The following ZCCHC7 variants were observed in gnomAD, a reference collection of about 807,000 sequenced individuals.
The protein encoded by ZCCHC7 is zinc finger CCHC domain-containing protein 7.
In ZCCHC7, 35 loss-of-function variants were observed where a neutral mutation model predicts 52.0. That is an observed-to-expected ratio of 0.67 (90% confidence interval 0.51 to 0.89). The LOEUF (loss-of-function observed/expected upper bound fraction) is 0.89, where lower values mean the gene tolerates loss of function less well. ZCCHC7 is among the 40% of genes least tolerant of loss of function. ZCCHC7 has a pLI of 0.00. For missense variants in ZCCHC7, 574 were observed against 649.1 expected, an observed-to-expected ratio of 0.88 and a Z score of 1.26; for synonymous variants, 217 against 221.5, an observed-to-expected ratio of 0.98 and a Z score of 0.18.
intron 2 of ZCCHC7, among the ~76,000 whole-genome samples, chr9:37,177,668 T>C (rs1053137747): frequency 6.6e-6 from 1 of 152,126 alleles, no homozygotes; most frequent in African/African-American, 2.4e-5. Context: ...ACATGAAAGA[T>C]CAGTCACATT....
intron 2 of ZCCHC7, among the ~76,000 whole-genome samples, chr9:37,244,144 C>G (rs568543332): frequency 6.6e-6 from 1 of 151,312 alleles, no homozygotes; most frequent in Non-Finnish European, 1.5e-5. Context: ...TTTTGCTTCT[C>G]ATACTAGCCA....
At chr9:37,140,198 T>C (rs1220912119) in intron 2 of ZCCHC7, among the ~76,000 whole-genome samples, 3 of 152,122 alleles carry the variant, frequency 2.0e-5, no homozygotes, top group East Asian at 1.9e-4. Flanking sequence ...AAATGAACTT[T>C]TGTCAATGGT....
intron 2 of ZCCHC7, among the ~76,000 whole-genome samples, chr9:37,233,927 C>T (rs1825523097): frequency 6.6e-6 from 1 of 152,176 alleles, no homozygotes; most frequent in Non-Finnish European, 1.5e-5. Context: ...GATCTCGGCT[C>T]ACTGCAACTT....
chr9:37,183,643 C>G (rs898342011), intron 2 of ZCCHC7, among the ~76,000 whole-genome samples: 1 of 152,118 alleles, frequency 6.6e-6, no homozygotes, highest in Non-Finnish European at 1.5e-5. Context: ...TTCAGTTTAC[C>G]AGGCATGGAT....
At chr9:37,256,801 A>C (rs1381891225) in intron 2 of ZCCHC7, among the ~76,000 whole-genome samples, 1 of 152,186 alleles carries the variant, frequency 6.6e-6, no homozygotes, top group East Asian at 1.9e-4. Flanking sequence ...GGAAACTATC[A>C]CCTGTTAATT....
intron 2 of ZCCHC7, among the ~76,000 whole-genome samples, chr9:37,240,817 G>A (rs940887306): frequency 1.3e-5 from 2 of 151,810 alleles, no homozygotes; most frequent in Non-Finnish European, 3.0e-5. Flanking sequence ...CCATCATTTT[G>A]TGTTTGTTAT....
At chr9:37,322,737 A>G (rs1830102435) in intron 5 of ZCCHC7, among the ~76,000 whole-genome samples, 1 of 150,390 alleles carries the variant, frequency 6.6e-6, no homozygotes. Context: ...TAAAATCTGT[A>G]TTTTATTCAT....
intron 2 of ZCCHC7, among the ~76,000 whole-genome samples, chr9:37,226,867 A>G (rs1349277982): frequency 2.0e-5 from 3 of 152,030 alleles, no homozygotes; most frequent in Non-Finnish European, 4.4e-5. Flanking sequence ...TGTCTCTACT[A>G]AAAATCCAAA....
intron 2 of ZCCHC7, among the ~76,000 whole-genome samples, chr9:37,157,403 A>C (rs148633057): frequency 4.6e-5 from 7 of 152,202 alleles, no homozygotes; most frequent in Admixed American, 2.6e-4. Context: ...AGGCAGGCAG[A>C]TTCCCTTGAG....
At position 37,233,296 on chromosome 9, in the gene ZCCHC7, TA is replaced by T. The variant is rs545313559; in HGVS notation, c.611-68888del. ...AGTCTTAACTTGTAAGGATAGGAAT[TA>T]AAATAATACCAAATGCTGTCATTTT... On this transcript the variant is annotated intron_variant, in intron 2 of 8. Transcript: ENST00000336755. Among the ~76,000 whole-genome samples, 6 of 152,326 alleles carry T rather than the reference TA, an allele frequency of 3.9e-5. No individual in the cohort carries two copies. The South Asian group carries it at 8.3e-4, about 21-fold the overall frequency.
chr9:37,184,215 A>G (rs556764096), intron 2 of ZCCHC7, among the ~76,000 whole-genome samples: 15 of 152,254 alleles, frequency 9.9e-5, no homozygotes, highest in African/African-American at 3.4e-4. Context: ...ATACTTTGTT[A>G]TGGAGCAACG....
At chr9:37,348,316 C>G (rs963109769) in intron 6 of ZCCHC7, among the ~76,000 whole-genome samples, 1 of 149,042 alleles carries the variant, frequency 6.7e-6, no homozygotes, top group Non-Finnish European at 1.5e-5. Flanking sequence ...TCATTCCCCA[C>G]GTCTTTTCAA....
At chr9:37,181,066 TTTAA>T (rs1822325038) in intron 2 of ZCCHC7, among the ~76,000 whole-genome samples, 1 of 152,190 alleles carries the variant, frequency 6.6e-6, no homozygotes, top group South Asian at 2.1e-4. Context: ...TGTTCTATGC[TTTAA>T]TTATTAATTT....
chr9:37,141,320 T>C (rs929689929), intron 2 of ZCCHC7, among the ~76,000 whole-genome samples: 1 of 151,900 alleles, frequency 6.6e-6, no homozygotes, highest in African/African-American at 2.4e-5. Flanking sequence ...ATTTGTTTCT[T>C]TGTTTTGATC....
intron 2 of ZCCHC7, among the ~76,000 whole-genome samples, chr9:37,219,367 A>T (rs1183898709): frequency 1.3e-5 from 2 of 152,228 alleles, no homozygotes; most frequent in Non-Finnish European, 2.9e-5. Flanking sequence ...CTTTGCCAAA[A>T]AAGTTTGCTA....
intron 2 of ZCCHC7, among the ~76,000 whole-genome samples, chr9:37,289,861 C>T (rs1828450747): frequency 6.6e-6 from 1 of 152,200 alleles, no homozygotes; most frequent in African/African-American, 2.4e-5. Context: ...AATATTTTTG[C>T]CTTAAGAACT....
intron 2 of ZCCHC7, among the ~76,000 whole-genome samples, chr9:37,144,678 T>C (rs910571565): frequency 2.0e-5 from 3 of 152,034 alleles, no homozygotes; most frequent in African/African-American, 7.2e-5. Context: ...TCCAGTTATA[T>C]ATGATCCATC....
At chr9:37,133,313 A>G (rs1371041175) in intron 2 of ZCCHC7, among the ~76,000 whole-genome samples, 1 of 152,150 alleles carries the variant, frequency 6.6e-6, no homozygotes, top group East Asian at 1.9e-4. Context: ...TTAAGGAGTC[A>G]TAATGAGAAG....
intron 2 of ZCCHC7, among the ~76,000 whole-genome samples, chr9:37,137,535 A>G (rs1843050950): frequency 6.6e-6 from 1 of 152,220 alleles, no homozygotes; most frequent in African/African-American, 2.4e-5. Context: ...TATGTTCAGA[A>G]TACTGTTGGA....
Sources: allele counts gnomAD v4.1 joint callset (sites outside exome capture counted in the v4.1 genomes callset), GRCh38; gene constraint gnomAD v4.1.1; transcripts MANE v1.5; gene names NCBI Gene and HGNC (gene_info 2026-07-23, HGNC 2026-07-21).